AADACL3: variants seen among roughly 807,000 people sequenced by gnomAD.
AADACL3 encodes arylacetamide deacetylase-like 3.
AADACL3 carries 13 observed loss-of-function variants against 13.6 expected under a neutral mutation model. That is an observed-to-expected ratio of 0.95 (90% CI 0.62 to 1.52). The LOEUF (loss-of-function observed/expected upper bound fraction) is 1.52, where lower values mean the gene tolerates loss of function less well. Among genes scored for constraint, AADACL3 ranks in the 40% most tolerant of loss-of-function variants. AADACL3 has a pLI of 0.00. For synonymous variants in AADACL3, 195 were observed against 197.0 expected (o/e 0.99, Z 0.08); for missense variants, 519 against 499.2 (o/e 1.04, Z -0.38).
In AADACL3 at chr1:12,725,782, C is replaced by T. The variant is rs11121969; in HGVS notation, c.1010C>T (p.Pro337Leu). 0.061 allele frequency: 99,245 copies of T among 1,614,016 alleles called. 3,604 individuals carry two copies. Among genetic ancestry groups the T allele is most frequent in the African/African-American group, 0.16 (12,014 of 74,942 alleles). ...IAEDDIVSQL[P>L]ETCIVSCEYD... is the part of the protein sequence containing the mutation. Reference sequence around the variant, plus strand: ...GAAGATGACATAGTGTCTCAGCTCCCGGAAACCTGCATCGTGAGCTGTGAG... The same window carrying T: ...GAAGATGACATAGTGTCTCAGCTCCTGGAAACCTGCATCGTGAGCTGTGAG... The change falls in exon 4 of 4, where the codon CCG becomes CTG. Residue 337 changes from proline to leucine, a missense_variant. Pro to Leu is a moderately conservative substitution (Grantham distance 98, BLOSUM62 -3). Transcript: ENST00000359318.
At chr1:12,721,501 G>A (rs1638260412) in intron 3 of AADACL3, among the ~76,000 whole-genome samples, 1 of 152,172 alleles carries the variant, frequency 6.6e-6, no homozygotes, top group African/African-American at 2.4e-5. Flanking sequence ...GTGCATGTGG[G>A]CCTTGGGTTT....
chr1:12,719,629 C>T lies in AADACL3; in HGVS notation c.323C>T (p.Thr108Ile). 3 of 1,614,204 alleles carry T rather than the reference C, an allele frequency of 1.9e-6. No individual in the cohort carries two copies. Among genetic ancestry groups the T allele is most frequent in the Admixed American group, 1.7e-5 (1 of 60,022 alleles). Reference sequence around the variant, plus strand: ...AAGCTGTACCAACCCAAGGCATCCACCTGCACCCTGAAGCCTGGCATCGTG... The same window carrying T: ...AAGCTGTACCAACCCAAGGCATCCATCTGCACCCTGAAGCCTGGCATCGTG... ...PVKLYQPKASTCTLKPGIVYY... is the reference protein window; with the variant it reads ...PVKLYQPKASICTLKPGIVYY... The change falls in exon 2 of 4, where the codon ACC (threonine) becomes ATC (isoleucine). Residue 108 changes from threonine to isoleucine, a missense_variant. Coordinates refer to ENST00000359318, the MANE Select transcript of AADACL3 (RefSeq NM_001103170.3).
Position 12,723,010 on chromosome 1 carries a change from T to A in AADACL3, c.449+2064T>A, listed in dbSNP as rs192140678. 9.6e-3 allele frequency among the ~76,000 whole-genome samples: 1,462 copies of A among 152,264 alleles called. 20 individuals are homozygous for A. Among genetic ancestry groups the A allele is most frequent in the African/African-American group, 0.034 (1,404 of 41,566 alleles). On this transcript the variant is annotated intron_variant, in intron 3 of 3. Coordinates refer to ENST00000359318, the MANE Select transcript of AADACL3 (RefSeq NM_001103170.3). ...CCAGCTAATTTATTTAAAAATTTTT[T>A]AAAAATTTATTTTACTACTTTTATG...
chr1:12,721,252 A>G (rs923695512), intron 3 of AADACL3, among the ~76,000 whole-genome samples: 5 of 152,232 alleles, frequency 3.3e-5, no homozygotes, highest in Middle Eastern at 3.4e-3. Flanking sequence ...AAATACAAAA[A>G]TTAGCCAGGT....
At position 12,716,175 on chromosome 1, in the gene AADACL3, G is replaced by A. The variant is rs550141564; in HGVS notation, c.-2G>A. 1.2e-5 allele frequency: 10 copies of A among 824,024 alleles called. No individual in the cohort carries two copies. The highest frequency in any genetic ancestry group is 1.7e-5 in the African/African-American group (1 of 60,398). 51.0% of individuals were successfully genotyped at this position (824,024 alleles called of 1,614,324 possible). A position where few individuals can be genotyped will look rare whatever the true frequency, so the allele number is the denominator to read the frequency against. On this transcript the variant is annotated 5_prime_UTR_variant, in exon 1 of 4. Transcript: ENST00000359318. Reference sequence around the variant, plus strand: ...CTCAGCCCGCTCTGAGCTGGAAGCAGCATGTGGGACCTGGCCCTGATCTTC... The same window carrying A: ...CTCAGCCCGCTCTGAGCTGGAAGCAACATGTGGGACCTGGCCCTGATCTTC...
At position 12,725,793 on chromosome 1, in the gene AADACL3, A is replaced by C; in HGVS notation, c.1021A>C (p.Ile341Leu). 1 of 1,614,182 alleles carries C rather than the reference A, an allele frequency of 6.2e-7. No homozygotes were observed. Among genetic ancestry groups the C allele is most frequent in the Non-Finnish European group, 8.5e-7 (1 of 1,180,028 alleles). ...AGTGTCTCAGCTCCCGGAAACCTGC[A>C]TCGTGAGCTGTGAGTATGATGCTCT... ...DIVSQLPETC[I>L]VSCEYDALRD... Residue 341 changes from isoleucine (I) to leucine (L), a missense_variant, in exon 4 of 4, where the codon ATC (isoleucine) becomes CTC (leucine). Ile to Leu is a conservative substitution (Grantham distance 5). Coordinates refer to ENST00000359318, the MANE Select transcript of AADACL3 (RefSeq NM_001103170.3).
Position 12,720,931 on chromosome 1 carries a change from TG to T in AADACL3, c.436del (p.Val146PhefsTer18), listed in dbSNP as rs753644401. The T allele has an allele frequency of 6.2e-7, 1 of 1,603,362 alleles. No homozygotes were observed. Among genetic ancestry groups the T allele is most frequent in the South Asian group, 1.1e-5 (1 of 90,940 alleles). On this transcript the variant is annotated frameshift_variant, in exon 3 of 4. Coordinates refer to ENST00000359318, the MANE Select transcript of AADACL3 (RefSeq NM_001103170.3). LOFTEE classifies it low-confidence loss of function (END_TRUNC). ...CSRLCKESDSVVLAVGYRKLP... is the reference protein window; with the variant it reads ...CSRLCKESDSXVLAVGYRKLP... The stretch of plus-strand genomic sequence containing the variant: ...CGTTTGTGCAAGGAGAGTGACTCCG[TG>T]GTTCTGGCAGTTGGGTGAGTAAAGG...
At chr1:12,716,713 C>T (rs915857126) in intron 1 of AADACL3, among the ~76,000 whole-genome samples, 3 of 152,142 alleles carry the variant, frequency 2.0e-5, no homozygotes, top group African/African-American at 4.8e-5. Flanking sequence ...TACCATCTTT[C>T]GCATTTTTAA....
At position 12,726,665 on chromosome 1, in the gene AADACL3, T is replaced by G. The variant is rs1638375899; in HGVS notation, c.*669T>G. On this transcript the variant is annotated 3_prime_UTR_variant, in exon 4 of 4. Transcript: ENST00000359318. The stretch of plus-strand genomic sequence containing the variant: ...CCTGCAGCTGCCCGACTTGGGGAGC[T>G]CTGGAGCTCCTGGAATCAAAGCCTG... The G allele has an allele frequency of 6.6e-6, 1 of 152,128 alleles. No individual in the cohort carries two copies. Among genetic ancestry groups the G allele is most frequent in the African/African-American group, 2.4e-5 (1 of 41,418 alleles). 9.4% of individuals were successfully genotyped at this position (152,128 alleles called of 1,614,324 possible).
At chr1:12,716,451 C>T (rs1444746036) in intron 1 of AADACL3, 107 bp downstream of exon 1, 61 of 1,445,614 alleles carry the variant, frequency 4.2e-5, no homozygotes, top group Non-Finnish European at 5.4e-5. Context: ...TATCATGGGG[C>T]CTGCAGTGAC....
intron 2 of AADACL3, among the ~76,000 whole-genome samples, chr1:12,720,447 G>T (rs147771230): frequency 2.2e-4 from 33 of 152,272 alleles, no homozygotes; most frequent in African/African-American, 7.5e-4. Context: ...ATATGTGGAT[G>T]ATCTCATTCC....
In AADACL3 at chr1:12,716,394, G is replaced by A. The variant is rs780631807; in HGVS notation, c.168+50G>A. ...CCTCCAGCTGACCATTAAGGAAGGC[G>A]GCAGGAAAAATCACACACCGGAAGC... On this transcript the variant is annotated intron_variant, in intron 1 of 3. Transcript: ENST00000359318. 43 of 1,612,966 alleles carry A rather than the reference G, an allele frequency of 2.7e-5. No homozygotes were observed. In the East Asian group the frequency reaches 2.9e-4, roughly 11 times the overall value.
intron 3 of AADACL3, among the ~76,000 whole-genome samples, chr1:12,722,290 G>GCAC (rs953224382): frequency 7.1e-6 from 1 of 140,944 alleles, no homozygotes; most frequent in African/African-American, 2.6e-5. Flanking sequence ...TGGCGCCACT[G>GCAC]CACTCCAGCC....
chr1:12,719,129 G>C (rs955249002), intron 1 of AADACL3, among the ~76,000 whole-genome samples: 1 of 152,182 alleles, frequency 6.6e-6, no homozygotes, highest in African/African-American at 2.4e-5. Flanking sequence ...CAGATGTTGC[G>C]CCCAGGCTGA....
In AADACL3 at chr1:12,725,214, CT is replaced by C. The variant is rs778516034; in HGVS notation, c.450-3del. 15 of 1,586,898 alleles carry C rather than the reference CT, an allele frequency of 9.5e-6. No homozygotes were observed. The highest frequency in any genetic ancestry group is 2.2e-5 in the East Asian group (1 of 44,646). On this transcript the variant is annotated splice_polypyrimidine_tract_variant and splice_region_variant and intron_variant, in intron 3 of 3. Transcript: ENST00000359318. ...CGTTATCAACTGTGTTTCTTGATTC[CT>C]TTTTAGTTACCGCAAGTTACCTAAG...
In AADACL3 at chr1:12,719,561, C is replaced by T. The variant is rs78912772; in HGVS notation, c.255C>T (p.Pro85=). The part of the protein sequence containing the change: ...MQDLPPLKYD[P]DVVVTDFRFG... ...ATCTGCCTCCGCTAAAGTATGACCC[C>T]GATGTTGTGGTCACGGATTTCCGCT... The change falls in exon 2 of 4, where the codon CCC becomes CCT. Residue 85 remains proline (P), a synonymous_variant. Coordinates refer to ENST00000359318, the MANE Select transcript of AADACL3 (RefSeq NM_001103170.3). 0.022 allele frequency: 35,669 copies of T among 1,614,016 alleles called. 579 individuals are homozygous for T. The highest frequency in any genetic ancestry group is 0.055 in the South Asian group (4,972 of 91,078).
intron 2 of AADACL3, 146 bp downstream of exon 2, chr1:12,719,837 G>A: frequency 1.3e-6 from 1 of 743,680 alleles, no homozygotes; most frequent in Non-Finnish European, 2.2e-6. Context: ...CATTGAGGGG[G>A]CAAAAATATG....
At chr1:12,716,582 A>G (rs1426214085) in intron 1 of AADACL3, among the ~76,000 whole-genome samples, 2 of 152,306 alleles carry the variant, frequency 1.3e-5, no homozygotes, top group Middle Eastern at 6.8e-3. Context: ...CTGCTTTCTC[A>G]GTTAACAGAA....
intron 2 of AADACL3, among the ~76,000 whole-genome samples, 171 bp from the exon 3 acceptor site, chr1:12,720,712 T>TA (rs1638230116): frequency 6.6e-6 from 1 of 152,120 alleles, no homozygotes; most frequent in African/African-American, 2.4e-5. Context: ...AGAAAGTTGT[T>TA]CAGGCAGTAC....
Sources: allele counts gnomAD v4.1 joint callset (sites outside exome capture counted in the v4.1 genomes callset), GRCh38; gene constraint gnomAD v4.1.1; transcripts MANE v1.5; gene names NCBI Gene and HGNC (gene_info 2026-07-23, HGNC 2026-07-21).